The following DHX30 variants were observed in gnomAD, a reference collection of about 807,000 sequenced individuals.
The protein encoded by DHX30 is DExH-box helicase 30, also known as ATP-dependent RNA helicase DHX30.
A neutral mutation model predicts 116.9 loss-of-function variants in DHX30; 4 were observed. The observed-to-expected ratio is 0.03, with a 90% CI of 0.02 to 0.08. DHX30 has a LOEUF of 0.08. Ranked by LOEUF, DHX30 falls within the 10% of genes least tolerant of loss-of-function variation. DHX30 has a pLI of 1.00. For missense variants in DHX30, 871 were observed against 1,595.1 expected (o/e 0.55, Z 7.73); for synonymous variants, 697 against 651.7 (o/e 1.07, Z -1.06).
In DHX30 at chr3:47,810,952, C is replaced by CT. The variant is rs578008214; in HGVS notation, c.28+253dup. Among the ~76,000 whole-genome samples, 352 of 146,358 alleles carry CT rather than the reference C, an allele frequency of 2.4e-3. 1 individual carries two copies. The highest frequency in any genetic ancestry group is 6.4e-3 in the African/African-American group (256 of 40,166). Reference sequence around the variant, plus strand: ...TGCGTACTCCCTGCTTATTAAAATCCTTTTTTTTTTTTCTGAGATGGAGCC... The same window carrying CT: ...TGCGTACTCCCTGCTTATTAAAATCCTTTTTTTTTTTTTCTGAGATGGAGCC... On this transcript the variant is annotated intron_variant, in intron 3 of 21. Coordinates refer to ENST00000445061, the MANE Select transcript of DHX30 (RefSeq NM_138615.3).
chr3:47,848,257 C>T lies in DHX30; in HGVS notation c.2364C>T (p.Ser788=), dbSNP rs147501030. ...GGGGCCGGGCGGGCCGCTGCCAGTC[C>T]GGCTTTGCCTACCACTTGTTCCCTC... ...QRRGRAGRCQ[S]GFAYHLFPRS... is the part of the protein sequence containing the mutation. Residue 788 remains serine (S), a synonymous_variant, in exon 15 of 22, where the codon TCC becomes TCT. Transcript: ENST00000445061. This position sits in a 1 kb window ranked among gnomAD's most constrained non-coding sequence, Gnocchi z 9.4. 44 of 1,613,568 alleles carry T rather than the reference C, an allele frequency of 2.7e-5. No homozygotes were observed. The highest frequency in any genetic ancestry group is 3.5e-5 in the Non-Finnish European group (41 of 1,179,976).
At chr3:47,814,452 A>G (rs1016251417) in intron 3 of DHX30, among the ~76,000 whole-genome samples, 9 of 150,824 alleles carry the variant, frequency 6.0e-5, no homozygotes, top group African/African-American at 1.9e-4. Context: ...AAAAAAAGAA[A>G]AAAAAATTTT....
intron 2 of DHX30, among the ~76,000 whole-genome samples, chr3:47,809,151 T>A (rs142763519): frequency 2.0e-5 from 3 of 151,908 alleles, no homozygotes; most frequent in African/African-American, 7.2e-5. Context: ...TTTTATAATA[T>A]TCTGGTTTTC....
intron 9 of DHX30, among the ~76,000 whole-genome samples, chr3:47,844,625 C>G (rs569694892): frequency 3.5e-4 from 53 of 152,348 alleles, no homozygotes; most frequent in Admixed American, 9.8e-4. Flanking sequence ...AGGGGGTTGG[C>G]CCCTGTTGGG....
chr3:47,825,183 C>T (rs1239418273), intron 4 of DHX30: 1 of 661,734 alleles, frequency 1.5e-6, no homozygotes. Flanking sequence ...CCAAGGAAGC[C>T]GCCGAGGCCG....
chr3:47,847,025 C>T lies in DHX30; in HGVS notation c.1929+24C>T. ...AGGTGAGGGACACCCCCATCCCACCCAAGGCTCCTGGCCTTTCCTCCGTGG... is the reference window on the plus strand; with the variant it reads ...AGGTGAGGGACACCCCCATCCCACCTAAGGCTCCTGGCCTTTCCTCCGTGG... On this transcript the variant is annotated intron_variant, in intron 11 of 21. Transcript: ENST00000445061. The surrounding 1 kb of genome is among the most constrained non-coding windows in gnomAD (Gnocchi z 5.5). 1.3e-6 allele frequency: 2 copies of T among 1,595,268 alleles called. No individual in the cohort carries two copies. The highest frequency in any genetic ancestry group is 1.1e-5 in the South Asian group (1 of 89,258).
chr3:47,837,004 C>T (rs1282373445), intron 6 of DHX30, among the ~76,000 whole-genome samples: 1 of 152,190 alleles, frequency 6.6e-6, no homozygotes, highest in Non-Finnish European at 1.5e-5. Context: ...CTTGGTGAGA[C>T]GTGCTGGCAG....
chr3:47,819,321 G>C, intron 4 of DHX30: 1 of 1,355,188 alleles, frequency 7.4e-7, no homozygotes, highest in Non-Finnish European at 9.9e-7. Flanking sequence ...ACGGTTAGTC[G>C]GGGTTAACCA....
chr3:47,810,834 G>A, intron 3 of DHX30, 123 bp downstream of exon 3: 5 of 1,023,916 alleles, frequency 4.9e-6, no homozygotes, highest in African/African-American at 1.6e-5. Flanking sequence ...GTTTTCCAAA[G>A]GCCTTTCCTA....
chr3:47,835,597 G>A (rs1040500569), intron 6 of DHX30, among the ~76,000 whole-genome samples: 2 of 151,786 alleles, frequency 1.3e-5, no homozygotes, highest in Admixed American at 6.6e-5. Context: ...AAGCCACTGC[G>A]CCCGGCCAAT....
rs897421824 is a variant in DHX30, at chr3:47,817,369, A to G, written c.29-653A>G. Among the ~76,000 whole-genome samples the G allele has an allele frequency of 5.3e-5, 8 of 152,124 alleles. No homozygotes were observed. The East Asian group carries it at 1.3e-3, about 26-fold the overall frequency. ...CCTTAATTTTCGTTCATGTACCTCA[A>G]GTTGTTGGGACTTCTTAGAAATGTA... On this transcript the variant is annotated intron_variant, in intron 3 of 21. Coordinates refer to ENST00000445061, the MANE Select transcript of DHX30 (RefSeq NM_138615.3).
At chr3:47,830,386 T>C (rs1050575085) in intron 6 of DHX30, among the ~76,000 whole-genome samples, 4 of 151,378 alleles carry the variant, frequency 2.6e-5, no homozygotes, top group African/African-American at 9.7e-5. Flanking sequence ...AGGCGGAGGT[T>C]GCAGTGAGTC....
rs2036130974 is a variant in DHX30 at position 47,817,933 on chromosome 3, C to T, written c.29-89C>T. 2 of 779,606 alleles carry T rather than the reference C, an allele frequency of 2.6e-6. 1 individual carries two copies. Among genetic ancestry groups the T allele is most frequent in the South Asian group, 2.7e-5 (2 of 74,546 alleles). 48.3% of individuals were successfully genotyped at this position (779,606 alleles called of 1,614,324 possible). ...CCAGCAGCCCTGTTGCCCAGAGCTC[C>T]TCACGGATGCTCTGAGTGAGTCAGT... is the stretch of plus-strand genomic sequence containing the variant. On this transcript the variant is annotated intron_variant, in intron 3 of 21. Transcript: ENST00000445061.
At chr3:47,829,237 C>A in intron 6 of DHX30, 103 bp downstream of exon 6, 1 of 469,946 alleles carries the variant, frequency 2.1e-6, no homozygotes, top group Non-Finnish European at 3.8e-6. Context: ...CACTCACCTG[C>A]CCTGAGCCCT....
chr3:47,841,808 G>C, intron 8 of DHX30, 71 bp downstream of exon 8: 1 of 1,607,662 alleles, frequency 6.2e-7, no homozygotes, highest in Non-Finnish European at 8.5e-7. Context: ...CCTAAAGGCA[G>C]GTTTAGAGAG....
At chr3:47,815,154 G>A (rs2035994902) in intron 3 of DHX30, among the ~76,000 whole-genome samples, 2 of 152,176 alleles carry the variant, frequency 1.3e-5, no homozygotes, top group Non-Finnish European at 2.9e-5. Context: ...ACTGGGGCTT[G>A]AATCTGGCTT....
intron 6 of DHX30, among the ~76,000 whole-genome samples, chr3:47,832,419 T>C (rs2036902253): frequency 6.6e-6 from 1 of 152,182 alleles, no homozygotes; most frequent in Non-Finnish European, 1.5e-5. Flanking sequence ...ACTCCAGAGC[T>C]CCTGCCTCAG....
chr3:47,818,649 G>A (rs1484909331), intron 4 of DHX30, among the ~76,000 whole-genome samples: 1 of 152,132 alleles, frequency 6.6e-6, no homozygotes, highest in Non-Finnish European at 1.5e-5. Flanking sequence ...CCTTTTGATT[G>A]GGGAGAATGT....
chr3:47,819,111 A>T, intron 4 of DHX30: 1 of 758,904 alleles, frequency 1.3e-6, no homozygotes, highest in Non-Finnish European at 2.0e-6. Context: ...GATAGAAATG[A>T]GTACTTCTAG....
Sources: gnomAD v4.1 joint callset for allele counts (sites outside exome capture counted in the v4.1 genomes callset) on GRCh38, gnomAD v4.1.1 for gene constraint, Gnocchi (gnomAD v3.1) non-coding constraint, MANE v1.5 for transcripts, NCBI Gene and HGNC (gene_info 2026-07-23, HGNC 2026-07-21) for gene names.